The following RDX variants were observed in gnomAD, a reference collection of about 807,000 sequenced individuals.
RDX encodes the protein radixin.
RDX carries 32 observed loss-of-function variants against 83.7 expected under a neutral mutation model. The ratio of observed to expected loss-of-function variants is 0.38; its 90% confidence interval spans 0.29 to 0.51. The LOEUF (loss-of-function observed/expected upper bound fraction) is 0.51, where lower values mean the gene tolerates loss of function less well. Ranked by LOEUF, RDX falls within the 20% of genes least tolerant of loss-of-function variation. The pLI, the probability that RDX is intolerant of heterozygous loss-of-function variation, is 0.87. For synonymous variants in RDX, 229 were observed against 222.7 expected, an observed-to-expected ratio of 1.03 and a Z score of -0.25; for missense variants, 600 against 689.9, an observed-to-expected ratio of 0.87 and a Z score of 1.46.
intron 5 of RDX, among the ~76,000 whole-genome samples, chr11:110,260,102 T>A (rs541154739): frequency 6.6e-6 from 1 of 151,988 alleles, no homozygotes; most frequent in Non-Finnish European, 1.5e-5. Flanking sequence ...TTCTCCTGCC[T>A]GAGCCTCTCC....
intron 1 of RDX, among the ~76,000 whole-genome samples, chr11:110,294,720 C>CA (rs112660903): frequency 0.049 from 7,007 of 141,792 alleles, 519 homozygotes; most frequent in African/African-American, 0.17. Context: ...ATCACAATTT[C>CA]AAAAAAAAAA....
At chr11:110,284,496 T>C (rs747763158) in intron 1 of RDX, among the ~76,000 whole-genome samples, 3 of 151,344 alleles carry the variant, frequency 2.0e-5, no homozygotes, top group Non-Finnish European at 4.4e-5. Context: ...TACCCATCCA[T>C]CAACACAGAA....
chr11:110,240,922 G>A (rs1297995836), intron 10 of RDX, among the ~76,000 whole-genome samples: 10 of 143,236 alleles, frequency 7.0e-5, no homozygotes, highest in South Asian at 2.3e-4. Context: ...TGGGTGTGGT[G>A]GCGGGCGCCT....
At chr11:110,241,701 T>C (rs1865105829) in intron 10 of RDX, among the ~76,000 whole-genome samples, 2 of 152,184 alleles carry the variant, frequency 1.3e-5, no homozygotes, top group Non-Finnish European at 1.5e-5. Flanking sequence ...AACAAATAAC[T>C]AAAGAATTGA....
At chr11:110,232,128 A>G in intron 13 of RDX, 95 bp from the exon 14 acceptor site, 1 of 981,052 alleles carries the variant, frequency 1.0e-6, no homozygotes, top group Non-Finnish European at 1.6e-6. Flanking sequence ...CATATACCAA[A>G]TCATTTCCAC....
At chr11:110,217,310 A>C (rs952748182) in intron 14 of RDX, among the ~76,000 whole-genome samples, 4 of 152,214 alleles carry the variant, frequency 2.6e-5, no homozygotes, top group African/African-American at 9.7e-5. Flanking sequence ...ACCTAGTAAT[A>C]CAATTTGTAT....
intron 1 of RDX, among the ~76,000 whole-genome samples, chr11:110,290,135 AACAG>A (rs1283540358): frequency 1.3e-5 from 2 of 152,060 alleles, no homozygotes; most frequent in African/African-American, 2.4e-5. Context: ...AAGAAAAAAA[AACAG>A]AGGAAGCAAG....
chr11:110,210,525 G>A (rs545510009), intron 14 of RDX, among the ~76,000 whole-genome samples: 28 of 150,782 alleles, frequency 1.9e-4, no homozygotes, highest in African/African-American at 6.9e-4. Flanking sequence ...GCAACTCCAA[G>A]ACACATAATT....
intron 15 of RDX, among the ~76,000 whole-genome samples, chr11:110,197,168 G>C (rs1189658440): frequency 3.3e-5 from 5 of 152,202 alleles, no homozygotes; most frequent in African/African-American, 1.2e-4. Context: ...CAAATGTGCT[G>C]GGATTACAGG....
chr11:110,260,046 G>T (rs1442894722), intron 5 of RDX, among the ~76,000 whole-genome samples: 1 of 151,722 alleles, frequency 6.6e-6, no homozygotes, highest in Non-Finnish European at 1.5e-5. Context: ...GAGTGCAATG[G>T]CATGATCTCG....
chr11:110,184,651 T>C (rs1180457075), intron 15 of RDX, among the ~76,000 whole-genome samples: 1 of 152,158 alleles, frequency 6.6e-6, no homozygotes, highest in African/African-American at 2.4e-5. Flanking sequence ...AGCCACACTG[T>C]GCCAGGAAGT....
At chr11:110,216,858 C>CATTTCAACTCAA (rs1428114281) in intron 14 of RDX, among the ~76,000 whole-genome samples, 2 of 152,152 alleles carry the variant, frequency 1.3e-5, no homozygotes, top group Non-Finnish European at 2.9e-5. Flanking sequence ...ATAAAAATTA[C>CATTTCAACTCAA]ATTTCAACTC....
At position 110,231,430 on chromosome 11, in the gene RDX, G is replaced by A. The variant is rs1238681401; in HGVS notation, c.*439C>T. On this transcript the variant is annotated 3_prime_UTR_variant, in exon 14 of 14. Transcript: ENST00000645495. ...ATGGCTATGGACATGGCAGATAAGA[G>A]AAGGGCACACTGAGAAAATGTGAGT... The A allele has an allele frequency of 4.2e-6, 1 of 237,578 alleles. No individual in the cohort carries two copies. Among genetic ancestry groups the A allele is most frequent in the Non-Finnish European group, 8.3e-6 (1 of 120,198 alleles). The allele number at this position is 237,578 out of a possible 1,614,324, so 14.7% of individuals were successfully genotyped here. A position where few individuals can be genotyped will look rare whatever the true frequency, so the allele number is the denominator to read the frequency against.
At chr11:110,175,632 T>C (rs2134211967) in intron 15 of RDX, among the ~76,000 whole-genome samples, 1 of 152,272 alleles carries the variant, frequency 6.6e-6, no homozygotes, top group South Asian at 2.1e-4. Flanking sequence ...GGTGGGGGCC[T>C]GCCAGAGGCG....
chr11:110,236,357 T>C lies in RDX; in HGVS notation c.1252-166A>G, dbSNP rs1385653268. Reference sequence around the variant, plus strand: ...TCTTAAATAGCTTATTTACAATAAGTCCTTTAGGTAATGAGCTAAGGAGAC... The same window carrying C: ...TCTTAAATAGCTTATTTACAATAAGCCCTTTAGGTAATGAGCTAAGGAGAC... On this transcript the variant is annotated intron_variant, in intron 11 of 13. Coordinates refer to ENST00000645495, the MANE Select transcript of RDX (RefSeq NM_002906.4). 3 of 603,496 alleles carry C rather than the reference T, an allele frequency of 5.0e-6. No homozygotes were observed. In the Admixed American group the frequency reaches 8.7e-5, roughly 18 times the overall value. The allele number at this position is 603,496 out of a possible 1,614,324, so 37.4% of individuals were successfully genotyped here.
At chr11:110,293,645 C>T (rs1861331687) in intron 1 of RDX, among the ~76,000 whole-genome samples, 1 of 152,162 alleles carries the variant, frequency 6.6e-6, no homozygotes, top group African/African-American at 2.4e-5. Flanking sequence ...CAACCCAATC[C>T]AGCTCCACTG....
intron 3 of RDX, among the ~76,000 whole-genome samples, chr11:110,265,360 G>C (rs1227847694): frequency 6.6e-6 from 1 of 151,750 alleles, no homozygotes; most frequent in Non-Finnish European, 1.5e-5. Flanking sequence ...CCAAAGTCTT[G>C]GGATTATAGG....
chr11:110,254,001 C>T lies in RDX; in HGVS notation c.904G>A (p.Val302Ile). ...MRRRKPDTIE[V>I]QQMKAQAREE... is the part of the protein sequence containing the mutation. ...CTAGCCTGAGCCTTCATCTGTTGTACTTCAATAGTATCAGGCTTCCTTCTT... is the reference window on the plus strand; with the variant it reads ...CTAGCCTGAGCCTTCATCTGTTGTATTTCAATAGTATCAGGCTTCCTTCTT... The change falls in exon 9 of 14, where the codon GTA becomes ATA. Residue 302 changes from valine to isoleucine, a missense_variant. By Grantham distance (29) the Val-to-Ile change is conservative (BLOSUM62 3). Coordinates refer to ENST00000645495, the MANE Select transcript of RDX (RefSeq NM_002906.4). The T allele has an allele frequency of 1.2e-6, 2 of 1,613,684 alleles. No individual in the cohort carries two copies. The highest frequency in any genetic ancestry group is 2.2e-5 in the East Asian group (1 of 44,846).
chr11:110,182,326 G>A (rs1426851353), intron 15 of RDX, among the ~76,000 whole-genome samples: 1 of 152,212 alleles, frequency 6.6e-6, no homozygotes, highest in African/African-American at 2.4e-5. Flanking sequence ...ATGTGGCCGG[G>A]CATGGTGGCT....
Sources: allele counts gnomAD v4.1 joint callset (sites outside exome capture counted in the v4.1 genomes callset), GRCh38; gene constraint gnomAD v4.1.1; transcripts MANE v1.5; gene names NCBI Gene and HGNC (gene_info 2026-07-23, HGNC 2026-07-21).